Variants in SLIT3 observed in about 807,000 individuals in gnomAD.
SLIT3 encodes the protein slit homolog 3 protein.
SLIT3 carries 68 observed loss-of-function variants against 184.0 expected under a neutral mutation model. That is an observed-to-expected ratio of 0.37 (90% CI 0.30 to 0.45). SLIT3 has a LOEUF of 0.45. Ranked by LOEUF, SLIT3 falls within the 20% of genes least tolerant of loss-of-function variation. SLIT3 has a pLI of 1.00. For missense variants in SLIT3, 1,707 were observed against 2,026.0 expected (o/e 0.84, Z 3.02); for synonymous variants, 831 against 828.6 (o/e 1.00, Z -0.05).
intron 15 of SLIT3, among the ~76,000 whole-genome samples, chr5:168,761,980 A>T (rs1581052181): frequency 7.2e-6 from 1 of 139,798 alleles, no homozygotes; most frequent in Non-Finnish European, 1.5e-5. Context: ...TATGTTGCCC[A>T]GGATAGTACT....
At chr5:169,297,722 A>C (rs1476424271) in intron 1 of SLIT3, among the ~76,000 whole-genome samples, 1 of 152,212 alleles carries the variant, frequency 6.6e-6, no homozygotes, top group Non-Finnish European at 1.5e-5. Flanking sequence ...TCTTTTGCTT[A>C]CATTCTTTAC....
At chr5:169,152,260 C>G (rs1246957728) in intron 4 of SLIT3, among the ~76,000 whole-genome samples, 1 of 152,174 alleles carries the variant, frequency 6.6e-6, no homozygotes, top group Non-Finnish European at 1.5e-5. Context: ...GCATTTCTCA[C>G]AAAGAAGAAA....
intron 1 of SLIT3, among the ~76,000 whole-genome samples, chr5:169,279,939 A>C (rs1766939648): frequency 6.6e-6 from 1 of 152,260 alleles, no homozygotes; most frequent in Non-Finnish European, 1.5e-5. Context: ...ATTAGCAGTC[A>C]CCACGCTTGC....
chr5:169,254,256 T>G (rs1438610814), intron 1 of SLIT3, among the ~76,000 whole-genome samples: 1 of 152,162 alleles, frequency 6.6e-6, no homozygotes, highest in Non-Finnish European at 1.5e-5. Flanking sequence ...ACACTGACCC[T>G]GAGGAGAGGC....
At chr5:169,033,273 G>A (rs369902178) in intron 4 of SLIT3, among the ~76,000 whole-genome samples, 1 of 152,060 alleles carries the variant, frequency 6.6e-6, no homozygotes, top group Non-Finnish European at 1.5e-5. Flanking sequence ...CTATGTTGTG[G>A]CAAAGGCAAG....
At chr5:169,136,354 C>T (rs1761501988) in intron 4 of SLIT3, among the ~76,000 whole-genome samples, 1 of 152,158 alleles carries the variant, frequency 6.6e-6, no homozygotes, top group Admixed American at 6.5e-5. Flanking sequence ...CAGGTGTTTC[C>T]CAACATCTCC....
chr5:168,836,477 G>A (rs991015455), intron 6 of SLIT3, among the ~76,000 whole-genome samples: 8 of 152,156 alleles, frequency 5.3e-5, no homozygotes, highest in African/African-American at 1.9e-4. Context: ...GTAGGCATGT[G>A]GCTGCTCTAC....
intron 32 of SLIT3, among the ~76,000 whole-genome samples, chr5:168,676,894 C>T (rs1761429097): frequency 6.6e-6 from 1 of 152,210 alleles, no homozygotes; most frequent in Non-Finnish European, 1.5e-5. Flanking sequence ...CAGCTGGCTC[C>T]AGGCCCAACT....
chr5:169,119,189 G>A (rs909193086), intron 4 of SLIT3, among the ~76,000 whole-genome samples: 1 of 152,168 alleles, frequency 6.6e-6, no homozygotes, highest in Admixed American at 6.5e-5. Flanking sequence ...AAAAGTCTTG[G>A]AGTTCCACCA....
chr5:169,013,625 T>TA (rs1245842458), intron 4 of SLIT3, among the ~76,000 whole-genome samples: 12 of 152,172 alleles, frequency 7.9e-5, no homozygotes, highest in African/African-American at 2.7e-4. Context: ...CTCTGCCTCT[T>TA]ACGCCCGTTC....
At chr5:168,723,217 G>A (rs954946464) in intron 21 of SLIT3, among the ~76,000 whole-genome samples, 5 of 151,090 alleles carry the variant, frequency 3.3e-5, no homozygotes, top group Non-Finnish European at 5.9e-5. Flanking sequence ...CCATCCATCC[G>A]TCCATCCATA....
intron 1 of SLIT3, among the ~76,000 whole-genome samples, chr5:169,254,462 C>T (rs1765881349): frequency 6.6e-6 from 1 of 151,784 alleles, no homozygotes; most frequent in African/African-American, 2.4e-5. Flanking sequence ...GGTCTCCAAA[C>T]ATGTCTGCCA....
At chr5:168,722,803 T>C (rs1762986123) in intron 22 of SLIT3, 130 bp downstream of exon 22, 1 of 734,226 alleles carries the variant, frequency 1.4e-6, no homozygotes, top group Non-Finnish European at 2.5e-6. Flanking sequence ...AGGTGTATCT[T>C]ATGCTAGGGC....
At chr5:168,716,510 C>T (rs1476525652) in intron 23 of SLIT3, among the ~76,000 whole-genome samples, 3 of 152,192 alleles carry the variant, frequency 2.0e-5, no homozygotes, top group Non-Finnish European at 4.4e-5. Flanking sequence ...TGTCATGACT[C>T]CTCCTCTATG....
At chr5:168,812,898 A>G (rs912890299) in intron 8 of SLIT3, among the ~76,000 whole-genome samples, 2 of 152,162 alleles carry the variant, frequency 1.3e-5, no homozygotes, top group African/African-American at 4.8e-5. Context: ...TAAAAAAAAA[A>G]AAGACGATGA....
At chr5:169,083,187 G>A (rs528145062) in intron 4 of SLIT3, among the ~76,000 whole-genome samples, 19 of 152,154 alleles carry the variant, frequency 1.2e-4, no homozygotes, top group Non-Finnish European at 2.1e-4. Context: ...GACTCTATTT[G>A]TATTTGCACT....
chr5:169,254,700 C>T (rs1253962798), intron 1 of SLIT3, among the ~76,000 whole-genome samples: 1 of 152,140 alleles, frequency 6.6e-6, no homozygotes, highest in Non-Finnish European at 1.5e-5. Context: ...ATGAGAAAAG[C>T]AGATGATCTG....
intron 4 of SLIT3, among the ~76,000 whole-genome samples, chr5:169,097,938 C>T (rs191704201): frequency 1.3e-5 from 2 of 152,184 alleles, no homozygotes; most frequent in African/African-American, 2.4e-5. Context: ...AAGTAGGGAA[C>T]CCCCAGGGAG....
At chr5:169,245,697 C>T (rs1581097634) in intron 2 of SLIT3, among the ~76,000 whole-genome samples, 1 of 152,222 alleles carries the variant, frequency 6.6e-6, no homozygotes, top group East Asian at 1.9e-4. Flanking sequence ...GGAGAGGTAC[C>T]CACAAGCACC....
Sources: allele counts gnomAD v4.1 joint callset (sites outside exome capture counted in the v4.1 genomes callset), GRCh38; gene constraint gnomAD v4.1.1; transcripts MANE v1.5; gene names NCBI Gene and HGNC (gene_info 2026-07-23, HGNC 2026-07-21).